Variants in HNRNPA2B1 observed in about 807,000 individuals in gnomAD.
HNRNPA2B1 encodes heterogeneous nuclear ribonucleoproteins A2/B1.
HNRNPA2B1 carries 3 observed loss-of-function variants against 46.3 expected under a neutral mutation model. The observed-to-expected ratio is 0.06, with a 90% CI of 0.03 to 0.17. The LOEUF is 0.17. Among genes scored for constraint, HNRNPA2B1 ranks in the 10% least tolerant of loss-of-function variants. HNRNPA2B1 has a pLI of 1.00. For missense variants in HNRNPA2B1, 221 were observed against 418.9 expected (o/e 0.53, Z 4.12); for synonymous variants, 225 against 133.8 (o/e 1.68, Z -4.70).
chr7:26,190,976 G>C lies in HNRNPA2B1; in HGVS notation c.*1384C>G, dbSNP rs1331372762. 1 of 152,586 alleles carries C rather than the reference G, an allele frequency of 6.6e-6. No individual in the cohort carries two copies. Among genetic ancestry groups the C allele is most frequent in the Non-Finnish European group, 1.5e-5 (1 of 68,012 alleles). The allele number at this position is 152,586 out of a possible 1,614,324, so 9.5% of individuals were successfully genotyped here. A position where few individuals can be genotyped will look rare whatever the true frequency, so the allele number is the denominator to read the frequency against. ...AATCTCATGATTTATTGAACTTGCAGCCTAACTTTTACCTACCATTTTACT... is the reference window on the plus strand; with the variant it reads ...AATCTCATGATTTATTGAACTTGCACCCTAACTTTTACCTACCATTTTACT... On this transcript the variant is annotated 3_prime_UTR_variant, in exon 11 of 11. Transcript: ENST00000618183.
chr7:26,197,965 G>C, intron 1 of HNRNPA2B1: 1 of 684,034 alleles, frequency 1.5e-6, no homozygotes, highest in South Asian at 2.0e-5. Flanking sequence ...ATCTACACAA[G>C]TTTCAAAGTC....
rs200943057 is a variant in HNRNPA2B1 at position 26,196,383 on chromosome 7, G to A, written c.658+18C>T. 1.4e-3 allele frequency: 2,198 copies of A among 1,591,972 alleles called. 6 individuals are homozygous for A. The highest frequency in any genetic ancestry group is 1.7e-3 in the Non-Finnish European group (1,980 of 1,161,856). ...AAAAGCACACTCATCCTTTAAACAC[G>A]TAGAACTTGAAACTCACCAGATCCT... On this transcript the variant is annotated intron_variant, in intron 6 of 10. Transcript: ENST00000618183.
In HNRNPA2B1 at chr7:26,192,352, A is replaced by G; in HGVS notation, c.*22-14T>C. On this transcript the variant is annotated splice_polypyrimidine_tract_variant and intron_variant, in intron 10 of 10. Coordinates refer to ENST00000618183, the MANE Select transcript of HNRNPA2B1 (RefSeq NM_002137.4). The stretch of plus-strand genomic sequence containing the variant: ...ATACAGTGAAGCCTGTTTCAACAGA[A>G]GTAAAGAGTAAAAAAAAAATAGGTT... The G allele has an allele frequency of 1.6e-6, 1 of 634,906 alleles. No homozygotes were observed. 39.3% of individuals were successfully genotyped at this position (634,906 alleles called of 1,614,324 possible). A position where few individuals can be genotyped will look rare whatever the true frequency, so the allele number is the denominator to read the frequency against.
intron 6 of HNRNPA2B1, 46 bp from the exon 7 acceptor site, chr7:26,195,955 C>T (rs369596760): frequency 3.0e-5 from 47 of 1,555,566 alleles, no homozygotes; most frequent in Non-Finnish European, 3.8e-5. Context: ...AACTGTTCAG[C>T]ATTATTGCTA....
intron 7 of HNRNPA2B1, 35 bp from the exon 8 acceptor site, chr7:26,193,729 T>C (rs769252415): frequency 2.2e-5 from 34 of 1,559,070 alleles, no homozygotes; most frequent in South Asian, 2.2e-4. Context: ...AATCACTTAA[T>C]ATTTTCAATA....
chr7:26,190,165 A>T lies in HNRNPA2B1; in HGVS notation c.*2195T>A, dbSNP rs1583952766. 1 of 152,756 alleles carries T rather than the reference A, an allele frequency of 6.5e-6. No individual in the cohort carries two copies. Among genetic ancestry groups the T allele is most frequent in the South Asian group, 2.1e-4 (1 of 4,830 alleles). 9.5% of individuals were successfully genotyped at this position (152,756 alleles called of 1,614,324 possible). A position where few individuals can be genotyped will look rare whatever the true frequency, so the allele number is the denominator to read the frequency against. On this transcript the variant is annotated 3_prime_UTR_variant, in exon 11 of 11. Transcript: ENST00000618183. ...TATTTATTTTATAAACTTTATATTT[A>T]AAATAGAATTGTAATCTGTCTACTC...
chr7:26,195,497 T>C (rs956570579), intron 7 of HNRNPA2B1, among the ~76,000 whole-genome samples: 3 of 152,196 alleles, frequency 2.0e-5, no homozygotes, highest in African/African-American at 7.2e-5. Flanking sequence ...ATATTTCATA[T>C]TTTTTCCTAC....
rs1782931343 is a variant in HNRNPA2B1 at position 26,191,678 on chromosome 7, T to C, written c.*682A>G. On this transcript the variant is annotated 3_prime_UTR_variant, in exon 11 of 11. Transcript: ENST00000618183. The stretch of plus-strand genomic sequence containing the variant: ...AAAAAGGTGTTTCTCCTTGCAGAGA[T>C]ATCCCTTAAGTTATCTACATAATTT... The C allele has an allele frequency of 1.3e-5, 2 of 152,242 alleles. No individual in the cohort carries two copies. Among genetic ancestry groups the C allele is most frequent in the Admixed American group, 1.3e-4 (2 of 15,288 alleles). 9.4% of individuals were successfully genotyped at this position (152,242 alleles called of 1,614,324 possible). A position where few individuals can be genotyped will look rare whatever the true frequency, so the allele number is the denominator to read the frequency against.
chr7:26,195,090 C>CTCAAAAAAAAAAAAAAAAAAGAAACCATA (rs1783385107), intron 7 of HNRNPA2B1, among the ~76,000 whole-genome samples: 1 of 85,282 alleles, frequency 1.2e-5, no homozygotes, highest in South Asian at 4.4e-4. Flanking sequence ...AAGGCTCCGT[C>CTCAAAAAAAAAAAAAAAAAAGAAACCATA]TCAAAAAAAA....
chr7:26,195,035 A>C lies in HNRNPA2B1; in HGVS notation c.721+812T>G, dbSNP rs1382570029. Among the ~76,000 whole-genome samples, 5 of 145,524 alleles carry C rather than the reference A, an allele frequency of 3.4e-5. No individual in the cohort carries two copies. In the East Asian group the frequency reaches 8.8e-4, roughly 26 times the overall value. On this transcript the variant is annotated intron_variant, in intron 7 of 10. Coordinates refer to ENST00000618183, the MANE Select transcript of HNRNPA2B1 (RefSeq NM_002137.4). ...CTTGGACCGGGAAGGCAGAGATTGC[A>C]GTGAGCAGAGACGCGCCACTACACT...
At chr7:26,195,700 A>G in intron 7 of HNRNPA2B1, 147 bp downstream of exon 7, 7 of 807,334 alleles carry the variant, frequency 8.7e-6, no homozygotes, top group Non-Finnish European at 1.3e-5. Context: ...TGGCAAAACT[A>G]CTTAGAAATA....
At chr7:26,192,422 T>A in intron 10 of HNRNPA2B1, 73 bp downstream of exon 10, 2 of 972,266 alleles carry the variant, frequency 2.1e-6, no homozygotes, top group Non-Finnish European at 3.3e-6. Flanking sequence ...GATAACATGA[T>A]CCTAAAAAGC....
At chr7:26,200,049 A>G in intron 1 of HNRNPA2B1, 1 of 160,178 alleles carries the variant, frequency 6.2e-6, no homozygotes, top group Non-Finnish European at 1.4e-5. Flanking sequence ...AAAATAGTTA[A>G]CCACTTCTAC....
intron 7 of HNRNPA2B1, 113 bp downstream of exon 7, chr7:26,195,734 A>G: frequency 8.2e-7 from 1 of 1,217,522 alleles, no homozygotes; most frequent in Non-Finnish European, 1.1e-6. Context: ...CACCCAAGCC[A>G]TTTATAGACA....
rs17153396 is a variant in HNRNPA2B1, at chr7:26,197,136, T to A, written c.265-119A>T. The A allele has an allele frequency of 0.016, 17,117 of 1,102,362 alleles. 659 individuals are homozygous for A. Among genetic ancestry groups the A allele is most frequent in the East Asian group, 0.1 (4,366 of 42,256 alleles). 68.3% of individuals were successfully genotyped at this position (1,102,362 alleles called of 1,614,324 possible). On this transcript the variant is annotated intron_variant, in intron 3 of 10. Transcript: ENST00000618183. Reference sequence around the variant, plus strand: ...CACCTTAAAACTACCAGATATAAAATAGCTTTTAGGGACCTAGCTTTTGAA... The same window carrying A: ...CACCTTAAAACTACCAGATATAAAAAAGCTTTTAGGGACCTAGCTTTTGAA...
chr7:26,195,122 A>G (rs570338457), intron 7 of HNRNPA2B1, among the ~76,000 whole-genome samples: 47 of 75,826 alleles, frequency 6.2e-4, no homozygotes, highest in Middle Eastern at 5.7e-3. Flanking sequence ...AAACCATATT[A>G]AAAAAAAAAA....
intron 7 of HNRNPA2B1, among the ~76,000 whole-genome samples, chr7:26,195,071 T>G (rs1357200961): frequency 8.5e-6 from 1 of 118,296 alleles, no homozygotes; most frequent in Non-Finnish European, 1.6e-5. Context: ...CCAGCCTGGG[T>G]GACAGAGCAA....
rs148165919 is a variant in HNRNPA2B1 at position 26,195,961 on chromosome 7, T to G, written c.659-52A>C. On this transcript the variant is annotated intron_variant, in intron 6 of 10. Coordinates refer to ENST00000618183, the MANE Select transcript of HNRNPA2B1 (RefSeq NM_002137.4). Reference sequence around the variant, plus strand: ...TTTACTATAAACTGTTCAGCATTATTGCTAATATTCATTTTCAGTTCTCTT... The same window carrying G: ...TTTACTATAAACTGTTCAGCATTATGGCTAATATTCATTTTCAGTTCTCTT... The G allele has an allele frequency of 8.2e-5, 127 of 1,548,982 alleles. No individual in the cohort carries two copies. In the African/African-American group the frequency reaches 1.4e-3, roughly 17 times the overall value.
chr7:26,195,770 A>G (rs530957471), intron 7 of HNRNPA2B1, 77 bp downstream of exon 7: 5 of 1,494,216 alleles, frequency 3.3e-6, no homozygotes, highest in South Asian at 2.5e-5. Flanking sequence ...TAAAAACTCA[A>G]AATATAAATG....
Sources: gnomAD v4.1 joint callset for allele counts (sites outside exome capture counted in the v4.1 genomes callset) on GRCh38, gnomAD v4.1.1 for gene constraint, MANE v1.5 for transcripts, NCBI Gene and HGNC (gene_info 2026-07-23, HGNC 2026-07-21) for gene names.